Variants in LRP1B observed in about 807,000 individuals in gnomAD.
LRP1B encodes the protein low-density lipoprotein receptor-related protein 1B.
LRP1B carries 217 observed loss-of-function variants against 556.6 expected under a neutral mutation model. The observed-to-expected ratio is 0.39, with a 90% CI of 0.35 to 0.44. The LOEUF is 0.44. Ranked by LOEUF, LRP1B falls within the 20% of genes least tolerant of loss-of-function variation. LRP1B has a pLI of 1.00. For missense variants in LRP1B, 5,053 were observed against 5,620.8 expected (o/e 0.90, Z 3.23); for synonymous variants, 2,047 against 1,865.8 (o/e 1.10, Z -2.50).
At chr2:140,953,237 C>T (rs746817467) in intron 18 of LRP1B, among the ~76,000 whole-genome samples, 19 of 152,022 alleles carry the variant, frequency 1.2e-4, no homozygotes, top group East Asian at 3.9e-4. Context: ...ACTATAGGTG[C>T]GCACCACCAT....
rs1207244323 is a variant in LRP1B, at chr2:141,479,650, T to A, written c.343+746A>T. Among the ~76,000 whole-genome samples, 2 of 152,160 alleles carry A rather than the reference T, an allele frequency of 1.3e-5. 1 individual carries two copies. Among genetic ancestry groups the A allele is most frequent in the East Asian group, 3.9e-4 (2 of 5,180 alleles). ...TCTTTCCCAGCTCCATCCTGCAGCC[T>A]GATTCACTTGACTGATACCTTGATT... On this transcript the variant is annotated intron_variant, in intron 3 of 90. Transcript: ENST00000389484.
At chr2:141,218,875 T>C (rs773199266) in intron 6 of LRP1B, among the ~76,000 whole-genome samples, 3 of 152,136 alleles carry the variant, frequency 2.0e-5, no homozygotes, top group Non-Finnish European at 4.4e-5. Context: ...AATCCTGCTC[T>C]ATCAACTGAG....
At chr2:142,123,231 T>C (rs979372908) in intron 1 of LRP1B, among the ~76,000 whole-genome samples, 9 of 152,030 alleles carry the variant, frequency 5.9e-5, no homozygotes, top group East Asian at 1.9e-4. Flanking sequence ...TCATTGTTAG[T>C]TATCTTTTCT....
At chr2:140,450,761 G>A in intron 62 of LRP1B, 100 bp from the exon 63 acceptor site, 1 of 729,690 alleles carries the variant, frequency 1.4e-6, no homozygotes, top group Non-Finnish European at 2.3e-6. Flanking sequence ...CTTTTTTGCT[G>A]CAGATGTGAA....
At chr2:140,461,161 T>C (rs1043054158) in intron 60 of LRP1B, among the ~76,000 whole-genome samples, 1 of 152,094 alleles carries the variant, frequency 6.6e-6, no homozygotes, top group African/African-American at 2.4e-5. Flanking sequence ...AGCTTGAATA[T>C]ACTCTATTAC....
chr2:141,781,802 C>G (rs1233850252), intron 2 of LRP1B, among the ~76,000 whole-genome samples: 1 of 152,072 alleles, frequency 6.6e-6, no homozygotes, highest in East Asian at 1.9e-4. Context: ...GCTAGGGAAA[C>G]CATTCTTTCC....
chr2:140,491,719 T>C (rs892272117), intron 57 of LRP1B, among the ~76,000 whole-genome samples: 3 of 152,144 alleles, frequency 2.0e-5, no homozygotes, highest in African/African-American at 7.2e-5. Flanking sequence ...TAAATAGTTG[T>C]TCATTCTTAT....
At chr2:141,864,851 C>T (rs1314389861) in intron 1 of LRP1B, among the ~76,000 whole-genome samples, 1 of 151,998 alleles carries the variant, frequency 6.6e-6, no homozygotes, top group African/African-American at 2.4e-5. Context: ...CACTGCACTC[C>T]AGCCTGGGTG....
intron 1 of LRP1B, among the ~76,000 whole-genome samples, chr2:141,903,690 T>C (rs1359942323): frequency 6.6e-6 from 1 of 151,942 alleles, no homozygotes; most frequent in Non-Finnish European, 1.5e-5. Context: ...TAGGCATTGG[T>C]GAAACGTTTA....
At chr2:141,724,082 T>C (rs1003357191) in intron 2 of LRP1B, among the ~76,000 whole-genome samples, 8 of 151,980 alleles carry the variant, frequency 5.3e-5, no homozygotes, top group East Asian at 1.9e-4. Context: ...ATAAATAGTC[T>C]GTACCTTGAT....
At chr2:141,161,425 A>G (rs917740069) in intron 7 of LRP1B, among the ~76,000 whole-genome samples, 6 of 152,150 alleles carry the variant, frequency 3.9e-5, no homozygotes, top group South Asian at 2.1e-4. Flanking sequence ...CTGAGGCTAC[A>G]TTATTTTAAA....
intron 66 of LRP1B, among the ~76,000 whole-genome samples, chr2:140,406,212 A>T (rs1352261165): frequency 6.6e-6 from 1 of 152,160 alleles, no homozygotes; most frequent in Non-Finnish European, 1.5e-5. Context: ...ACAGCCATAT[A>T]TGTCAAACCC....
At chr2:141,441,269 G>C (rs1364991500) in intron 3 of LRP1B, among the ~76,000 whole-genome samples, 1 of 151,922 alleles carries the variant, frequency 6.6e-6, no homozygotes, top group Non-Finnish European at 1.5e-5. Flanking sequence ...GTGGAGAGGG[G>C]TTTTCACCAA....
At chr2:141,790,354 A>T (rs1695572989) in intron 2 of LRP1B, among the ~76,000 whole-genome samples, 1 of 151,520 alleles carries the variant, frequency 6.6e-6, no homozygotes, top group South Asian at 2.1e-4. Flanking sequence ...ATAATTAATT[A>T]TATTATATAT....
At chr2:140,783,192 C>T (rs757554494) in intron 32 of LRP1B, among the ~76,000 whole-genome samples, 1 of 151,880 alleles carries the variant, frequency 6.6e-6, no homozygotes, top group Non-Finnish European at 1.5e-5. Context: ...ATCATTAAAA[C>T]TAATAACTTA....
intron 11 of LRP1B, 89 bp downstream of exon 11, chr2:141,048,897 G>A: frequency 2.0e-6 from 2 of 1,001,242 alleles, no homozygotes; most frequent in Non-Finnish European, 3.2e-6. Flanking sequence ...TTGAGTTCTG[G>A]TTAAAGCTAG....
rs553780647 is a variant in LRP1B, at chr2:141,148,068, T to C, written c.1013+40353A>G. 2.6e-5 allele frequency among the ~76,000 whole-genome samples: 4 copies of C among 152,318 alleles called. No individual in the cohort carries two copies. In the South Asian group the frequency reaches 8.3e-4, roughly 32 times the overall value. On this transcript the variant is annotated intron_variant, in intron 7 of 90. Transcript: ENST00000389484. ...ACAGAAGGACAAACTCATCTAACAA[T>C]GAGTTTCTTAGAATGTATCCCTGTC... is the stretch of plus-strand genomic sequence containing the variant.
At chr2:140,504,660 C>G (rs192901309) in intron 53 of LRP1B, among the ~76,000 whole-genome samples, 8 of 152,126 alleles carry the variant, frequency 5.3e-5, no homozygotes, top group Non-Finnish European at 8.8e-5. Context: ...TAACCCTTAA[C>G]CTCTTGTATC....
At chr2:140,828,041 G>A (rs901321023) in intron 31 of LRP1B, among the ~76,000 whole-genome samples, 1 of 151,928 alleles carries the variant, frequency 6.6e-6, no homozygotes, top group Non-Finnish European at 1.5e-5. Flanking sequence ...ACATGAAAGA[G>A]AAATACAGTC....
Sources: allele counts gnomAD v4.1 joint callset (sites outside exome capture counted in the v4.1 genomes callset), GRCh38; gene constraint gnomAD v4.1.1; transcripts MANE v1.5; gene names NCBI Gene and HGNC (gene_info 2026-07-23, HGNC 2026-07-21).